Variants in PPP1R3D observed in about 807,000 individuals in gnomAD.
PPP1R3D encodes the protein protein phosphatase 1 regulatory subunit 3D.
A neutral mutation model predicts 16.3 loss-of-function variants in PPP1R3D; 27 were observed. The ratio of observed to expected loss-of-function variants is 1.66; its 90% CI spans 1.22 to 2.29. PPP1R3D has a LOEUF of 2.29. Ranked by LOEUF, PPP1R3D falls within the 30% of genes most tolerant of loss-of-function variation. The probability of loss-of-function intolerance (pLI) is 0.00; values close to 1 mark genes in which losing one functional copy is unlikely to be tolerated. For synonymous variants in PPP1R3D, 223 were observed against 209.7 expected (o/e 1.06, Z -0.55); for missense variants, 472 against 438.3 (o/e 1.08, Z -0.69).
chr20:59,939,829 C>A lies in PPP1R3D; in HGVS notation c.103G>T (p.Ala35Ser). Reference sequence around the variant, plus strand: ...GGCCTACAGGCCCGCGGCTCCAGGGCCACGCCGCCGTCCAGGTCCGACAGG... The same window carrying A: ...GGCCTACAGGCCCGCGGCTCCAGGGACACGCCGCCGTCCAGGTCCGACAGG... ...SCLSDLDGGV[A>S]LEPRACRPPG... is the part of the protein sequence containing the mutation. Residue 35 changes from alanine to serine, a missense_variant, in exon 1 of 1, where the codon GCC becomes TCC. Coordinates refer to ENST00000370996, the MANE Select transcript of PPP1R3D (RefSeq NM_006242.4). The A allele has an allele frequency of 8.1e-7, 1 of 1,237,822 alleles. No individual in the cohort carries two copies. The highest frequency in any genetic ancestry group is 1.0e-6 in the Non-Finnish European group (1 of 991,554). The allele number at this position is 1,237,822 out of a possible 1,614,324, so 76.7% of individuals were successfully genotyped here. A position where few individuals can be genotyped will look rare whatever the true frequency, so the allele number is the denominator to read the frequency against.
rs781512014 is a variant in PPP1R3D, at chr20:59,939,229, C to T, written c.703G>A (p.Val235Ile). The change falls in exon 1 of 1, where the codon GTT becomes ATT. Residue 235 changes from valine to isoleucine, a missense_variant. Coordinates refer to ENST00000370996, the MANE Select transcript of PPP1R3D (RefSeq NM_006242.4). Reference sequence around the variant, plus strand: ...GGTACTGGAAAGCCGAAGGTGAAAACGTCCTCCGTGCCCTCGGGGCCTGCG... The same window carrying T: ...GGTACTGGAAAGCCGAAGGTGAAAATGTCCTCCGTGCCCTCGGGGCCTGCG... The part of the protein sequence containing the change: ...GPAGPEGTED[V>I]FTFGFPVPPF... 1 of 1,611,062 alleles carries T rather than the reference C, an allele frequency of 6.2e-7. No individual in the cohort carries two copies. The highest frequency in any genetic ancestry group is 8.5e-7 in the Non-Finnish European group (1 of 1,178,458).
In PPP1R3D at chr20:59,939,305, A is replaced by C; in HGVS notation, c.627T>G (p.Thr209=). The C allele has an allele frequency of 6.2e-7, 1 of 1,612,256 alleles. No homozygotes were observed. Among genetic ancestry groups the C allele is most frequent in the Non-Finnish European group, 8.5e-7 (1 of 1,179,800 alleles). Reference sequence around the variant, plus strand: ...CGTGGGTACTGCGCCAGCCCGAGAAAGTGTAGCGCACAGCCACCTGCTTCT... The same window carrying C: ...CGTGGGTACTGCGCCAGCCCGAGAACGTGTAGCGCACAGCCACCTGCTTCT... The part of the protein sequence containing the change: ...AFEKQVAVRY[T]FSGWRSTHEA... Residue 209 remains threonine, a synonymous_variant, in exon 1 of 1, where the codon ACT becomes ACG. Transcript: ENST00000370996.
In PPP1R3D at chr20:59,936,737, T is replaced by C. The variant is rs1017915887; in HGVS notation, c.*2295A>G. The C allele has an allele frequency of 3.3e-5, 5 of 152,212 alleles. No individual in the cohort carries two copies. The highest frequency in any genetic ancestry group is 1.2e-4 in the African/African-American group (5 of 41,460). The allele number at this position is 152,212 out of a possible 1,614,324, so 9.4% of individuals were successfully genotyped here. A position where few individuals can be genotyped will look rare whatever the true frequency, so the allele number is the denominator to read the frequency against. Reference sequence around the variant, plus strand: ...TGTTGTAGAAAGGATAAGACTTGCATGTGAAATGATTTAGACAAGAAGTTT... The same window carrying C: ...TGTTGTAGAAAGGATAAGACTTGCACGTGAAATGATTTAGACAAGAAGTTT... On this transcript the variant is annotated 3_prime_UTR_variant, in exon 1 of 1. Transcript: ENST00000370996.
Position 59,939,787 on chromosome 20 carries a change from G to A in PPP1R3D, c.145C>T (p.Arg49Cys), listed in dbSNP as rs1160278335. The change falls in exon 1 of 1, where the codon CGC becomes TGC. Residue 49 changes from arginine to cysteine, a missense_variant. Physicochemically the swap from Arg to Cys is radical, Grantham distance 180. Coordinates refer to ENST00000370996, the MANE Select transcript of PPP1R3D (RefSeq NM_006242.4). ...RACRPPGSPG[R>C]APPPTPAPSG... ...GGCGCTGGCGTTGGCGGCGGCGCGCGGCCCGGGCTCCCAGGGGGCCTACAG... is the reference window on the plus strand; with the variant it reads ...GGCGCTGGCGTTGGCGGCGGCGCGCAGCCCGGGCTCCCAGGGGGCCTACAG... 2.4e-6 allele frequency: 3 copies of A among 1,226,288 alleles called. No homozygotes were observed. The highest frequency in any genetic ancestry group is 3.0e-6 in the Non-Finnish European group (3 of 984,634). 76.0% of individuals were successfully genotyped at this position (1,226,288 alleles called of 1,614,324 possible). A position where few individuals can be genotyped will look rare whatever the true frequency, so the allele number is the denominator to read the frequency against.
At position 59,938,770 on chromosome 20, in the gene PPP1R3D, T is replaced by A; in HGVS notation, c.*262A>T. ...CCTCCCCAGAGGGCCCACCCTCCCA[T>A]GCACCTACCCCACCACCCTGCCCCA... On this transcript the variant is annotated 3_prime_UTR_variant, in exon 1 of 1. Coordinates refer to ENST00000370996, the MANE Select transcript of PPP1R3D (RefSeq NM_006242.4). The A allele has an allele frequency of 3.0e-4, 85 of 281,396 alleles. No homozygotes were observed. The highest frequency in any genetic ancestry group is 3.6e-4 in the East Asian group (6 of 16,852). 17.4% of individuals were successfully genotyped at this position (281,396 alleles called of 1,614,324 possible).
rs2145945825 is a variant in PPP1R3D at position 59,938,954 on chromosome 20, G to A, written c.*78C>T. 7.3e-7 allele frequency: 1 copy of A among 1,365,720 alleles called. No individual in the cohort carries two copies. Among genetic ancestry groups the A allele is most frequent in the East Asian group, 2.5e-5 (1 of 39,876 alleles). The allele number at this position is 1,365,720 out of a possible 1,614,324, so 84.6% of individuals were successfully genotyped here. On this transcript the variant is annotated 3_prime_UTR_variant, in exon 1 of 1. Transcript: ENST00000370996. ...GAGGGTGGTGAAGAACAACCAGATA[G>A]ATGTGAGAGCCCAGCAGGGAAATGA... is the stretch of plus-strand genomic sequence containing the variant.
In PPP1R3D at chr20:59,937,522, T is replaced by C. The variant is rs545535536; in HGVS notation, c.*1510A>G. 6.6e-6 allele frequency: 1 copy of C among 152,310 alleles called. No homozygotes were observed. The highest frequency in any genetic ancestry group is 1.5e-5 in the Non-Finnish European group (1 of 68,032). 9.4% of individuals were successfully genotyped at this position (152,310 alleles called of 1,614,324 possible). The stretch of plus-strand genomic sequence containing the variant: ...CAAACTGGTTAAAAGCCGAAATGCA[T>C]CCTTTCAGTATTGATTTGACAGATG... On this transcript the variant is annotated 3_prime_UTR_variant, in exon 1 of 1. Transcript: ENST00000370996.
Position 59,939,101 on chromosome 20 carries a change from G to T in PPP1R3D, c.831C>A (p.Leu277=). ...WDNNDHRDYS[L]TCRNHALHMP... is the part of the protein sequence containing the mutation. ...TGTGCAGCGCGTGGTTGCGACATGT[G>T]AGGCTGTAGTCTCGGTGGTCGTTGT... Residue 277 remains leucine (L), a synonymous_variant, in exon 1 of 1, where the codon CTC becomes CTA. Coordinates refer to ENST00000370996, the MANE Select transcript of PPP1R3D (RefSeq NM_006242.4). 1 of 1,597,820 alleles carries T rather than the reference G, an allele frequency of 6.3e-7. No individual in the cohort carries two copies.
Position 59,939,058 on chromosome 20 carries a change from C to T in PPP1R3D, c.874G>A (p.Glu292Lys), listed in dbSNP as rs758446264. 1.9e-5 allele frequency: 29 copies of T among 1,551,464 alleles called. No individual in the cohort carries two copies. Among genetic ancestry groups the T allele is most frequent in the Non-Finnish European group, 2.3e-5 (27 of 1,149,972 alleles). Residue 292 changes from glutamate to lysine, a missense_variant, in exon 1 of 1, where the codon GAA becomes AAA. Transcript: ENST00000370996. ...HALHMPRGECEESWIHFI is the reference protein window; with the variant it reads ...HALHMPRGECKESWIHFI ...CAGATGAAGTGGATCCAGCTCTCTT[C>T]GCACTCCCCGCGAGGCATGTGCAGC...
rs41276970 is a variant in PPP1R3D, at chr20:59,936,932, A to T, written c.*2100T>A. 1 of 152,632 alleles carries T rather than the reference A, an allele frequency of 6.6e-6. No homozygotes were observed. The highest frequency in any genetic ancestry group is 1.5e-5 in the Non-Finnish European group (1 of 68,040). 9.5% of individuals were successfully genotyped at this position (152,632 alleles called of 1,614,324 possible). Reference sequence around the variant, plus strand: ...GGACAACCCAGCAATTGCACAGCCCACTAGAAAATTTTAACATCTAAGTAA... The same window carrying T: ...GGACAACCCAGCAATTGCACAGCCCTCTAGAAAATTTTAACATCTAAGTAA... On this transcript the variant is annotated 3_prime_UTR_variant, in exon 1 of 1. Transcript: ENST00000370996.
rs761154540 is a variant in PPP1R3D, at chr20:59,939,035, G to C, written c.897C>G (p.Ile299Met). Residue 299 changes from isoleucine (I) to methionine (M), a missense_variant, in exon 1 of 1, where the codon ATC becomes ATG. Transcript: ENST00000370996. ...AGGTGGCCGGTCCCCGCGCGGCTCA[G>C]ATGAAGTGGATCCAGCTCTCTTCGC... ...GECEESWIHF[I>M] 8 of 1,526,194 alleles carry C rather than the reference G, an allele frequency of 5.2e-6. No homozygotes were observed. The highest frequency in any genetic ancestry group is 4.1e-5 in the Admixed American group (2 of 48,936). The allele number at this position is 1,526,194 out of a possible 1,614,324, so 94.5% of individuals were successfully genotyped here.
chr20:59,939,224 G>A lies in PPP1R3D; in HGVS notation c.708C>T (p.Phe236=), dbSNP rs1405825788. Residue 236 remains phenylalanine, a synonymous_variant, in exon 1 of 1, where the codon TTC becomes TTT. Coordinates refer to ENST00000370996, the MANE Select transcript of PPP1R3D (RefSeq NM_006242.4). The stretch of plus-strand genomic sequence containing the variant: ...AGGGCGGTACTGGAAAGCCGAAGGT[G>A]AAAACGTCCTCCGTGCCCTCGGGGC... The part of the protein sequence containing the change: ...PAGPEGTEDV[F]TFGFPVPPFL... 4 of 1,610,996 alleles carry A rather than the reference G, an allele frequency of 2.5e-6. No individual in the cohort carries two copies. Among genetic ancestry groups the A allele is most frequent in the East Asian group, 2.2e-5 (1 of 44,758 alleles).
Position 59,939,001 on chromosome 20 carries a change from G to T in PPP1R3D, c.*31C>A. The T allele has an allele frequency of 6.7e-7, 1 of 1,486,630 alleles. No homozygotes were observed. 92.1% of individuals were successfully genotyped at this position (1,486,630 alleles called of 1,614,324 possible). A position where few individuals can be genotyped will look rare whatever the true frequency, so the allele number is the denominator to read the frequency against. Reference sequence around the variant, plus strand: ...ATGACAGGAGGCGCAGCTTAGGTGTGGAGGCTCCAGGTGGCCGGTCCCCGC... The same window carrying T: ...ATGACAGGAGGCGCAGCTTAGGTGTTGAGGCTCCAGGTGGCCGGTCCCCGC... On this transcript the variant is annotated 3_prime_UTR_variant, in exon 1 of 1. Transcript: ENST00000370996.
chr20:59,936,781 T>C lies in PPP1R3D; in HGVS notation c.*2251A>G, dbSNP rs1221767515. The C allele has an allele frequency of 6.6e-6, 1 of 152,214 alleles. No homozygotes were observed. Among genetic ancestry groups the C allele is most frequent in the Non-Finnish European group, 1.5e-5 (1 of 68,028 alleles). The allele number at this position is 152,214 out of a possible 1,614,324, so 9.4% of individuals were successfully genotyped here. ...GAAGTTTCTAAAGCTTGGTCTTCTG[T>C]AATTAGGCCACAAGAAAAACATACT... On this transcript the variant is annotated 3_prime_UTR_variant, in exon 1 of 1. Transcript: ENST00000370996.
At position 59,940,002 on chromosome 20, in the gene PPP1R3D, GTGCTCAGAAGC is replaced by G; in HGVS notation, c.-82_-72del. On this transcript the variant is annotated 5_prime_UTR_variant, in exon 1 of 1. Coordinates refer to ENST00000370996, the MANE Select transcript of PPP1R3D (RefSeq NM_006242.4). The stretch of plus-strand genomic sequence containing the variant: ...TCCCGACCCCGCGACAGCTCCCTCC[GTGCTCAGAAGC>G]CGCAGAGAGTCCACCGTATCTGCAA... 1 of 1,190,956 alleles carries G rather than the reference GTGCTCAGAAGC, an allele frequency of 8.4e-7. No homozygotes were observed. The highest frequency in any genetic ancestry group is 1.1e-6 in the Non-Finnish European group (1 of 938,104). The allele number at this position is 1,190,956 out of a possible 1,614,324, so 73.8% of individuals were successfully genotyped here. A position where few individuals can be genotyped will look rare whatever the true frequency, so the allele number is the denominator to read the frequency against.
chr20:59,939,737 C>G lies in PPP1R3D; in HGVS notation c.195G>C (p.Arg65=). The G allele has an allele frequency of 8.0e-7, 1 of 1,247,362 alleles. No homozygotes were observed. Among genetic ancestry groups the G allele is most frequent in the Non-Finnish European group, 1.0e-6 (1 of 997,820 alleles). The allele number at this position is 1,247,362 out of a possible 1,614,324, so 77.3% of individuals were successfully genotyped here. A position where few individuals can be genotyped will look rare whatever the true frequency, so the allele number is the denominator to read the frequency against. ...PAPSGCDPRL[R]PIILRRARSL... is the part of the protein sequence containing the mutation. ...AGCGCGCCCGCCGCAGGATGATGGG[C>G]CGCAGGCGGGGGTCGCAGCCCGACG... Residue 65 remains arginine, a synonymous_variant, in exon 1 of 1, where the codon CGG becomes CGC. Transcript: ENST00000370996.
rs2060885120 is a variant in PPP1R3D, at chr20:59,939,522, A to ACAGCAC, written c.409_410insGTGCTG (p.Ile137delinsSerAlaVal). ...GCTGCTGCAGCACAGGTCCGAGTTG[A>ACAGCAC]TTGCGAGCCGCGACAGCACGTGCAG... On this transcript the variant is annotated protein_altering_variant, in exon 1 of 1. Transcript: ENST00000370996. The ACAGCAC allele has an allele frequency of 3.7e-6, 6 of 1,611,874 alleles. No individual in the cohort carries two copies. In the African/African-American group the frequency reaches 8.0e-5, roughly 22 times the overall value.
rs1216190102 is a variant in PPP1R3D at position 59,938,101 on chromosome 20, A to AT, written c.*930dup. On this transcript the variant is annotated 3_prime_UTR_variant, in exon 1 of 1. Transcript: ENST00000370996. ...ACAAGAAATAAAAATAGTCACCTTA[A>AT]TCATCAAAAAGGTAATTGCAAAGGG... 6.6e-6 allele frequency: 1 copy of AT among 152,232 alleles called. No individual in the cohort carries two copies. Among genetic ancestry groups the AT allele is most frequent in the South Asian group, 2.1e-4 (1 of 4,834 alleles). The allele number at this position is 152,232 out of a possible 1,614,324, so 9.4% of individuals were successfully genotyped here.
In PPP1R3D at chr20:59,939,661, C is replaced by CG; in HGVS notation, c.270dup (p.Ala91ArgfsTer267). 1.4e-6 allele frequency: 2 copies of CG among 1,481,290 alleles called. No homozygotes were observed. The highest frequency in any genetic ancestry group is 2.7e-5 in the South Asian group (2 of 75,114). The allele number at this position is 1,481,290 out of a possible 1,614,324, so 91.8% of individuals were successfully genotyped here. ...TGGCTGCAGCCCGGCCGACACGCAG[C>CG]GCCCGGCGCGCCCGCGGCCTTCTGG... On this transcript the variant is annotated frameshift_variant, in exon 1 of 1. Coordinates refer to ENST00000370996, the MANE Select transcript of PPP1R3D (RefSeq NM_006242.4). LOFTEE classifies it high-confidence loss of function.
Sources: gnomAD v4.1 joint callset for allele counts on GRCh38, gnomAD v4.1.1 for gene constraint, MANE v1.5 for transcripts, NCBI Gene and HGNC (gene_info 2026-07-23, HGNC 2026-07-21) for gene names.